Variants in SF3A1 observed in about 807,000 individuals in gnomAD.
The protein encoded by SF3A1 is splicing factor 3a subunit 1, also known as SAP 114.
SF3A1 carries 13 observed loss-of-function variants against 89.9 expected under a neutral mutation model. The ratio of observed to expected loss-of-function variants is 0.14; its 90% CI spans 0.09 to 0.23. The LOEUF (loss-of-function observed/expected upper bound fraction) is 0.23, where lower values mean the gene tolerates loss of function less well. Among genes scored for constraint, SF3A1 ranks in the 10% least tolerant of loss-of-function variants. The pLI, the probability that SF3A1 is intolerant of heterozygous loss-of-function variation, is 1.00. For synonymous variants in SF3A1, 405 were observed against 374.4 expected, an observed-to-expected ratio of 1.08 and a Z score of -0.94; for missense variants, 604 against 1,022.1, an observed-to-expected ratio of 0.59 and a Z score of 5.58.
chr22:30,340,742 G>A lies in SF3A1; in HGVS notation c.1142C>T (p.Pro381Leu). The change falls in exon 8 of 16, where the codon CCC becomes CTC. Residue 381 changes from proline to leucine, a missense_variant. Physicochemically the swap from Pro to Leu is moderately conservative, Grantham distance 98. Around this residue, in one of 9 missense-constraint regions of SF3A1, gnomAD observed 146 missense variants for 228.5 expected, o/e 0.64. Transcript: ENST00000215793. Reference protein sequence around the residue: ...PPETPMPPPLPPTPDQVIVRK... With the variant: ...PPETPMPPPLLPTPDQVIVRK... Reference sequence around the variant, plus strand: ...GACAATGACTTGGTCTGGAGTTGGGGGCAGAGGTGGAGGCATGGGTGTCTC... The same window carrying A: ...GACAATGACTTGGTCTGGAGTTGGGAGCAGAGGTGGAGGCATGGGTGTCTC... The A allele has an allele frequency of 6.2e-7, 1 of 1,607,894 alleles. No individual in the cohort carries two copies. The highest frequency in any genetic ancestry group is 8.5e-7 in the Non-Finnish European group (1 of 1,176,688).
rs1030517505 is a variant in SF3A1, at chr22:30,341,934, AT to A, written c.878-50del. The A allele has an allele frequency of 3.8e-6, 6 of 1,566,564 alleles. 1 individual carries two copies. In the Admixed American group the frequency reaches 8.7e-5, roughly 23 times the overall value. ...GGTATTCCTTATCAAAGACCCACCT[AT>A]TTGCCCTGTCTGAGCTCCCCAAGGG... On this transcript the variant is annotated intron_variant, in intron 6 of 15. Coordinates refer to ENST00000215793, the MANE Select transcript of SF3A1 (RefSeq NM_005877.6).
Position 30,342,342 on chromosome 22 carries a change from G to A in SF3A1, c.735C>T (p.Tyr245=). The stretch of plus-strand genomic sequence containing the variant: ...CCTGGAATTTGGCCCATTCCACTCG[G>A]TAACACACCTGCAGAGATGGGAAAC... ...NPREVLDQVC[Y]RVEWAKFQER... Residue 245 remains tyrosine, a synonymous_variant, in exon 6 of 16, where the codon TAC becomes TAT. Coordinates refer to ENST00000215793, the MANE Select transcript of SF3A1 (RefSeq NM_005877.6). 1 of 1,607,232 alleles carries A rather than the reference G, an allele frequency of 6.2e-7. No homozygotes were observed. Among genetic ancestry groups the A allele is most frequent in the Non-Finnish European group, 8.5e-7 (1 of 1,176,604 alleles).
chr22:30,340,770 G>A lies in SF3A1; in HGVS notation c.1114C>T (p.Pro372Ser). The A allele has an allele frequency of 6.3e-7, 1 of 1,597,592 alleles. No individual in the cohort carries two copies. The highest frequency in any genetic ancestry group is 8.5e-7 in the Non-Finnish European group (1 of 1,173,070). The change falls in exon 8 of 16, where the codon CCA (proline) becomes TCA (serine). Residue 372 changes from proline to serine, a missense_variant. By Grantham distance (74) the Pro-to-Ser change is moderately conservative (BLOSUM62 -1). This residue lies in a region of SF3A1 where 146 missense variants were observed against 228.5 expected (regional missense o/e 0.64). Transcript: ENST00000215793. ...AGAGGTGGAGGCATGGGTGTCTCTG[G>A]GGGTGGGGGCACTTTCTGCCCTTCT... is the stretch of plus-strand genomic sequence containing the variant. ...EEEGQKVPPPPETPMPPPLPP... is the reference protein window; with the variant it reads ...EEEGQKVPPPSETPMPPPLPP...
At chr22:30,339,369 C>T (rs1931176528) in intron 9 of SF3A1, 118 bp from the exon 10 acceptor site, 1 of 1,274,542 alleles carries the variant, frequency 7.8e-7, no homozygotes, top group African/African-American at 1.5e-5. Flanking sequence ...ATGAGGGTGA[C>T]TCAGGGCCCC....
intron 15 of SF3A1, 95 bp downstream of exon 15, chr22:30,335,372 C>A: frequency 9.4e-7 from 1 of 1,068,856 alleles, no homozygotes; most frequent in Non-Finnish European, 1.4e-6. Context: ...CCAGATATCA[C>A]TCCACTCCCC....
chr22:30,354,035 CACT>C (rs1410902102), intron 1 of SF3A1, among the ~76,000 whole-genome samples: 2 of 152,244 alleles, frequency 1.3e-5, no homozygotes, highest in Non-Finnish European at 2.9e-5. Context: ...GCCTCTACTC[CACT>C]GTCTTAACCA....
chr22:30,336,937 G>A, intron 13 of SF3A1, 89 bp downstream of exon 13: 1 of 1,504,616 alleles, frequency 6.6e-7, no homozygotes, highest in South Asian at 1.1e-5. Flanking sequence ...AAGACTGGGA[G>A]TGAAATAGGG....
chr22:30,345,118 G>T lies in SF3A1; in HGVS notation c.466C>A (p.Pro156Thr). Residue 156 changes from proline to threonine, a missense_variant, in exon 4 of 16, where the codon CCT becomes ACT. Pro to Thr is a conservative substitution (Grantham distance 38). Around this residue, in one of 9 missense-constraint regions of SF3A1, gnomAD observed 162 missense variants for 229.2 expected, o/e 0.71. Transcript: ENST00000215793. Reference protein sequence around the residue: ...PPPEFEFIADPPSISAFDLDV... With the variant: ...PPPEFEFIADTPSISAFDLDV... ...AAGTCGAAGGCTGAGATAGAGGGAG[G>T]ATCAGCAATGAACTCAAACTCAGGA... 1 of 1,614,178 alleles carries T rather than the reference G, an allele frequency of 6.2e-7. No homozygotes were observed. The highest frequency in any genetic ancestry group is 8.5e-7 in the Non-Finnish European group (1 of 1,180,026).
Position 30,346,447 on chromosome 22 carries a change from G to A in SF3A1, c.258C>T (p.Pro86=). ...INNPKFNFLN[P]NDPYHAYYRH... is the part of the protein sequence containing the mutation. Reference sequence around the variant, plus strand: ...GGTAGTAGGCATGGTAAGGGTCATTGGGGTTCAGAAAGTTGAACTTGGGGT... The same window carrying A: ...GGTAGTAGGCATGGTAAGGGTCATTAGGGTTCAGAAAGTTGAACTTGGGGT... Residue 86 remains proline (P), a synonymous_variant, in exon 3 of 16, where the codon CCC becomes CCT. Transcript: ENST00000215793. 1 of 1,614,080 alleles carries A rather than the reference G, an allele frequency of 6.2e-7. No homozygotes were observed. The highest frequency in any genetic ancestry group is 1.1e-5 in the South Asian group (1 of 91,066).
At position 30,356,730 on chromosome 22, in the gene SF3A1, C is replaced by G; in HGVS notation, c.63G>C (p.Gln21His). The change falls in exon 1 of 16, where the codon CAG becomes CAC. Residue 21 changes from glutamine to histidine, a missense_variant and splice_region_variant. Physicochemically the swap from Gln to His is conservative, Grantham distance 24 (BLOSUM62 0). Coordinates refer to ENST00000215793, the MANE Select transcript of SF3A1 (RefSeq NM_005877.6). ...PPPPVPTEPK[Q>H]PTEEEASSKE... The stretch of plus-strand genomic sequence containing the variant: ...AGGCTGAGGGGCGGGGGAGAGGTAC[C>G]TGTTTGGGCTCCGTGGGCACGGGCG... 1 of 1,492,648 alleles carries G rather than the reference C, an allele frequency of 6.7e-7. No individual in the cohort carries two copies. The highest frequency in any genetic ancestry group is 9.0e-7 in the Non-Finnish European group (1 of 1,117,296). 92.5% of individuals were successfully genotyped at this position (1,492,648 alleles called of 1,614,324 possible). A position where few individuals can be genotyped will look rare whatever the true frequency, so the allele number is the denominator to read the frequency against.
intron 3 of SF3A1, among the ~76,000 whole-genome samples, chr22:30,345,934 G>A (rs1931404163): frequency 6.6e-6 from 1 of 152,124 alleles, no homozygotes. Flanking sequence ...GGAGCCCACA[G>A]GCCACACTGC....
intron 5 of SF3A1, 185 bp downstream of exon 5, chr22:30,342,620 G>T: frequency 1.6e-6 from 1 of 625,242 alleles, no homozygotes; most frequent in East Asian, 2.7e-5. Context: ...GAGCAAAGCA[G>T]AAAGTTGTGG....
chr22:30,356,693 C>T (rs898907798), intron 1 of SF3A1, 37 bp downstream of exon 1: 23 of 1,440,448 alleles, frequency 1.6e-5, no homozygotes, highest in Non-Finnish European at 1.8e-5. Context: ...CCCAGGCCAA[C>T]CCTCCGGCTG....
intron 7 of SF3A1, 38 bp downstream of exon 7, chr22:30,341,654 G>A: frequency 1.9e-6 from 3 of 1,582,590 alleles, no homozygotes; most frequent in Non-Finnish European, 2.6e-6. Flanking sequence ...GGGGCTTCAG[G>A]GGAAAAGGTC....
At chr22:30,353,869 G>A (rs552271910) in intron 1 of SF3A1, among the ~76,000 whole-genome samples, 5 of 152,262 alleles carry the variant, frequency 3.3e-5, no homozygotes, top group South Asian at 2.1e-4. Context: ...CAGGGACTCC[G>A]ACTACATTCT....
chr22:30,350,572 T>A (rs1278393167), intron 2 of SF3A1, among the ~76,000 whole-genome samples: 1 of 152,046 alleles, frequency 6.6e-6, no homozygotes, highest in African/African-American at 2.4e-5. Flanking sequence ...ACATGGTGCA[T>A]CCCCTTAATA....
chr22:30,346,032 G>A (rs987641052), intron 3 of SF3A1, among the ~76,000 whole-genome samples: 3 of 152,066 alleles, frequency 2.0e-5, no homozygotes, highest in South Asian at 2.1e-4. Context: ...TAAATCACAC[G>A]TCCCCCAACT....
rs754267115 is a variant in SF3A1, at chr22:30,356,824, C to T, written c.-32G>A. 7.6e-7 allele frequency: 1 copy of T among 1,318,780 alleles called. No individual in the cohort carries two copies. Among genetic ancestry groups the T allele is most frequent in the Non-Finnish European group, 9.7e-7 (1 of 1,025,754 alleles). 81.7% of individuals were successfully genotyped at this position (1,318,780 alleles called of 1,614,324 possible). On this transcript the variant is annotated 5_prime_UTR_variant, in exon 1 of 16. Transcript: ENST00000215793. ...GACGCTCAGGGCTGCCAGTCCGCCT[C>T]GGTGTCGGTGAGCGGTGCCGCCTCA... is the stretch of plus-strand genomic sequence containing the variant.
At chr22:30,349,810 A>G (rs1441796656) in intron 2 of SF3A1, among the ~76,000 whole-genome samples, 1 of 151,702 alleles carries the variant, frequency 6.6e-6, no homozygotes, top group Non-Finnish European at 1.5e-5. Context: ...TGCCCAGCTA[A>G]TTTTTTTATT....
Sources: allele counts gnomAD v4.1 joint callset (sites outside exome capture counted in the v4.1 genomes callset), GRCh38; gene constraint gnomAD v4.1.1; regional missense constraint gnomAD v4.1.1; transcripts MANE v1.5; gene names NCBI Gene and HGNC (gene_info 2026-07-23, HGNC 2026-07-21).